The following KCNC2 variants were observed in gnomAD, a reference collection of about 807,000 sequenced individuals.
KCNC2 encodes the protein potassium voltage-gated channel subfamily C member 2.
A neutral mutation model predicts 44.5 loss-of-function variants in KCNC2; 21 were observed. The ratio of observed to expected loss-of-function variants is 0.47; its 90% CI spans 0.33 to 0.68. The LOEUF is 0.68. Ranked by LOEUF, KCNC2 falls within the 30% of genes least tolerant of loss-of-function variation. The pLI, the probability that KCNC2 is intolerant of heterozygous loss-of-function variation, is 0.01. For missense variants in KCNC2, 589 were observed against 826.2 expected, an observed-to-expected ratio of 0.71 and a Z score of 3.52; for synonymous variants, 391 against 339.1, an observed-to-expected ratio of 1.15 and a Z score of -1.68.
chr12:75,131,041 GAGT>G (rs1888809444), intron 2 of KCNC2, among the ~76,000 whole-genome samples: 1 of 152,062 alleles, frequency 6.6e-6, no homozygotes, highest in African/African-American at 2.4e-5. Flanking sequence ...TGAGGCTTGG[GAGT>G]AGTCATGGTA....
At chr12:75,109,332 C>T (rs1338026432) in intron 2 of KCNC2, among the ~76,000 whole-genome samples, 16 of 152,106 alleles carry the variant, frequency 1.1e-4, no homozygotes, top group Non-Finnish European at 1.3e-4. Flanking sequence ...AGAAGAAACA[C>T]GGGATGTTTG....
intron 2 of KCNC2, among the ~76,000 whole-genome samples, chr12:75,151,455 C>A (rs1477493255): frequency 6.6e-6 from 1 of 151,852 alleles, no homozygotes; most frequent in African/African-American, 2.4e-5. Flanking sequence ...TGGAGCAGCT[C>A]AACTTTAAAA....
intron 2 of KCNC2, among the ~76,000 whole-genome samples, chr12:75,101,627 T>C (rs1886380808): frequency 6.6e-6 from 1 of 152,048 alleles, no homozygotes. Flanking sequence ...CGAGTGTAAA[T>C]ATACTTCTGC....
At chr12:75,112,778 A>T (rs1887354521) in intron 2 of KCNC2, among the ~76,000 whole-genome samples, 1 of 152,052 alleles carries the variant, frequency 6.6e-6, no homozygotes, top group East Asian at 1.9e-4. Flanking sequence ...CAATAATCTA[A>T]TAGACATATT....
chr12:75,105,941 C>A (rs1463218083), intron 2 of KCNC2, among the ~76,000 whole-genome samples: 1 of 150,222 alleles, frequency 6.7e-6, no homozygotes, highest in Non-Finnish European at 1.5e-5. Flanking sequence ...TTGGGGAGAT[C>A]ACTTATAGAG....
chr12:75,207,973 A>T lies in KCNC2; in HGVS notation c.11T>A (p.Ile4Asn). 6.2e-7 allele frequency: 1 copy of T among 1,612,246 alleles called. No homozygotes were observed. Among genetic ancestry groups the T allele is most frequent in the Non-Finnish European group, 8.5e-7 (1 of 1,179,734 alleles). The change falls in exon 2 of 5, where the codon ATC (isoleucine) becomes AAC (asparagine). Residue 4 changes from isoleucine to asparagine, a missense_variant. By Grantham distance (149) the Ile-to-Asn change is moderately radical (BLOSUM62 -3). Around this residue, in one of 7 missense-constraint regions of KCNC2, gnomAD observed 148 missense variants for 140.1 expected, o/e 1.06. Transcript: ENST00000549446. The surrounding 1 kb of genome is among the most constrained non-coding windows in gnomAD (Gnocchi z 4.1). ...GAGGATCACCCTCTCGTTGTTCTCG[A>T]TCTTGCCCATCTCTGTGACTCAGAC... MGK[I>N]ENNERVILNV...
In KCNC2 at chr12:75,157,520, T is replaced by A. The variant is rs1050681183; in HGVS notation, c.687+49777A>T. 2.6e-5 allele frequency among the ~76,000 whole-genome samples: 4 copies of A among 151,912 alleles called. 1 individual carries two copies. The South Asian group carries it at 8.3e-4, about 31-fold the overall frequency. ...AATAGATTTATCCTCAAGAAGTTATTTGATCCACATACTTCCTTGGACCTG... is the reference window on the plus strand; with the variant it reads ...AATAGATTTATCCTCAAGAAGTTATATGATCCACATACTTCCTTGGACCTG... On this transcript the variant is annotated intron_variant, in intron 2 of 4. Transcript: ENST00000549446.
intron 2 of KCNC2, among the ~76,000 whole-genome samples, chr12:75,071,376 T>A (rs1374878023): frequency 1.3e-5 from 2 of 152,196 alleles, no homozygotes; most frequent in African/African-American, 4.8e-5. Context: ...ATCCTAAAAA[T>A]ATTGGGAATT....
At chr12:75,084,272 G>GATAA (rs1884776177) in intron 2 of KCNC2, among the ~76,000 whole-genome samples, 1 of 128,762 alleles carries the variant, frequency 7.8e-6, no homozygotes, top group African/African-American at 3.2e-5. Context: ...AGATAGATTA[G>GATAA]ATAGATAGAT....
intron 4 of KCNC2, among the ~76,000 whole-genome samples, chr12:75,045,766 T>C (rs1360515204): frequency 6.6e-6 from 1 of 151,936 alleles, no homozygotes; most frequent in African/African-American, 2.4e-5. Flanking sequence ...ATTCTAAGTA[T>C]TGAGAGTTTA....
chr12:75,187,420 T>C (rs890489498), intron 2 of KCNC2, among the ~76,000 whole-genome samples: 1 of 152,268 alleles, frequency 6.6e-6, no homozygotes, highest in African/African-American at 2.4e-5. Context: ...ATCAGTCTCA[T>C]TGAATTACAG....
chr12:75,125,646 C>T (rs1888365875), intron 2 of KCNC2, among the ~76,000 whole-genome samples: 1 of 152,118 alleles, frequency 6.6e-6, no homozygotes, highest in Non-Finnish European at 1.5e-5. Flanking sequence ...TTTCATATCA[C>T]TTTTTGCGAG....
chr12:75,191,217 A>T (rs1159691662), intron 2 of KCNC2, among the ~76,000 whole-genome samples: 1 of 151,882 alleles, frequency 6.6e-6, no homozygotes, highest in Non-Finnish European at 1.5e-5. Flanking sequence ...ATGAAAAGGT[A>T]CTATGTTCTT....
At chr12:75,129,757 A>G (rs902221281) in intron 2 of KCNC2, among the ~76,000 whole-genome samples, 3 of 152,202 alleles carry the variant, frequency 2.0e-5, no homozygotes. Context: ...CTGAATGCCC[A>G]TAATAATCAG....
At chr12:75,046,424 T>C (rs1291730241) in intron 4 of KCNC2, among the ~76,000 whole-genome samples, 1 of 151,736 alleles carries the variant, frequency 6.6e-6, no homozygotes, top group Non-Finnish European at 1.5e-5. Flanking sequence ...TTGTCTAACA[T>C]AGAAGAAAAA....
rs1313489384 is a variant in KCNC2 at position 75,040,330 on chromosome 12, C to A, written c.*2775G>T. On this transcript the variant is annotated 3_prime_UTR_variant, in exon 5 of 5. Coordinates refer to ENST00000549446, the MANE Select transcript of KCNC2 (RefSeq NM_139137.4). ...TAAAAATCTTATACAGTTTCATCTA[C>A]AACAGTTTTAAAGACACGTACAAGC... 6.6e-6 allele frequency: 1 copy of A among 151,978 alleles called. No individual in the cohort carries two copies. Among genetic ancestry groups the A allele is most frequent in the African/African-American group, 2.4e-5 (1 of 41,388 alleles). 9.4% of individuals were successfully genotyped at this position (151,978 alleles called of 1,614,324 possible). A position where few individuals can be genotyped will look rare whatever the true frequency, so the allele number is the denominator to read the frequency against.
chr12:75,057,252 G>A (rs1313463543), intron 2 of KCNC2, among the ~76,000 whole-genome samples: 2 of 151,806 alleles, frequency 1.3e-5, no homozygotes, highest in Non-Finnish European at 1.5e-5. Flanking sequence ...TTAATTTTGT[G>A]TATATTCATG....
intron 2 of KCNC2, among the ~76,000 whole-genome samples, chr12:75,158,596 C>CA (rs1890914059): frequency 6.6e-6 from 1 of 151,748 alleles, no homozygotes; most frequent in Non-Finnish European, 1.5e-5. Flanking sequence ...GACATTTATT[C>CA]AAAAAAATCA....
At chr12:75,178,218 T>G (rs61932895) in intron 2 of KCNC2, among the ~76,000 whole-genome samples, 11,917 of 152,028 alleles carry the variant, frequency 0.078, 539 homozygotes, top group Admixed American at 0.14. Context: ...CAGTAAGACA[T>G]GTACATCTGT....
Sources: allele counts gnomAD v4.1 joint callset (sites outside exome capture counted in the v4.1 genomes callset), GRCh38; gene constraint gnomAD v4.1.1; regional missense constraint gnomAD v4.1.1; non-coding constraint Gnocchi (gnomAD v3.1); transcripts MANE v1.5; gene names NCBI Gene and HGNC (gene_info 2026-07-23, HGNC 2026-07-21).